ADAM20: variants seen among roughly 807,000 people sequenced by gnomAD.
The protein encoded by ADAM20 is ADAM metallopeptidase domain 20, also known as disintegrin and metalloproteinase domain-containing protein 20.
For synonymous variants in ADAM20, 305 were observed against 310.2 expected, an observed-to-expected ratio of 0.98 and a Z score of 0.18; for missense variants, 871 against 883.2, an observed-to-expected ratio of 0.99 and a Z score of 0.18.
chr14:70,569,711 C>T, the ADAM20 span, among the ~76,000 whole-genome samples: 21 of 151,842 alleles, frequency 1.4e-4, no homozygotes, highest in Admixed American at 6.6e-4. Flanking sequence ...ATAAAACATT[C>T]AATTCAATCA....
upstream of ADAM20, among the ~76,000 whole-genome samples, chr14:70,536,459 C>G (rs12884439): frequency 1.1e-3 from 48 of 43,262 alleles, no homozygotes; most frequent in South Asian, 0.042. Context: ...GAGCAAAACT[C>G]TGTCTCAAAA....
chr14:70,573,517 A>C, the ADAM20 span, among the ~76,000 whole-genome samples: 1 of 152,312 alleles, frequency 6.6e-6, no homozygotes, highest in Admixed American at 6.5e-5. Context: ...TTAGAAGCCC[A>C]AACCCTAGGA....
At chr14:70,572,728 T>C in the ADAM20 span, among the ~76,000 whole-genome samples, 1 of 151,758 alleles carries the variant, frequency 6.6e-6, no homozygotes, top group African/African-American at 2.4e-5. Flanking sequence ...CTATGATCTA[T>C]AAGGAACATA....
intron 1 of ADAM20, among the ~76,000 whole-genome samples, chr14:70,532,521 A>C (rs77359887): frequency 0.084 from 12,832 of 152,238 alleles, 1,095 homozygotes; most frequent in East Asian, 0.49. Context: ...AACAGATTGG[A>C]AACAGATGGG....
chr14:70,524,088 G>C lies in ADAM20; in HGVS notation c.670C>G (p.Gln224Glu), dbSNP rs764714944. 1 of 1,613,876 alleles carries C rather than the reference G, an allele frequency of 6.2e-7. No homozygotes were observed. The highest frequency in any genetic ancestry group is 1.7e-5 in the Admixed American group (1 of 59,958). The part of the protein sequence containing the change: ...VVDNIRYLFS[Q>E]SNATTVQHEV... Reference sequence around the variant, plus strand: ...TGCTGCACTGTTGTTGCATTACTTTGAGAGAAAAGATATCTAATATTATCC... The same window carrying C: ...TGCTGCACTGTTGTTGCATTACTTTCAGAGAAAAGATATCTAATATTATCC... Residue 224 changes from glutamine (Q) to glutamate (E), a missense_variant, in exon 2 of 2, where the codon CAA becomes GAA. Physicochemically the swap from Gln to Glu is conservative, Grantham distance 29. Transcript: ENST00000256389.
At chr14:70,554,854 G>A in the ADAM20 span, among the ~76,000 whole-genome samples, 163 of 152,304 alleles carry the variant, frequency 1.1e-3, no homozygotes, top group African/African-American at 3.7e-3. Context: ...CGTACAAACA[G>A]AGCAAGGAAG....
At chr14:70,545,764 A>T in the ADAM20 span, among the ~76,000 whole-genome samples, 2 of 152,348 alleles carry the variant, frequency 1.3e-5, no homozygotes, top group Admixed American at 1.3e-4. Context: ...ATACAGTAAT[A>T]GCTGGAGACC....
chr14:70,560,771 C>T, the ADAM20 span, among the ~76,000 whole-genome samples: 1 of 152,202 alleles, frequency 6.6e-6, no homozygotes, highest in Non-Finnish European at 1.5e-5. Flanking sequence ...TCCCCTTCAC[C>T]TTCCACCATG....
At chr14:70,532,732 A>G (rs895959999) in intron 1 of ADAM20, among the ~76,000 whole-genome samples, 4 of 152,210 alleles carry the variant, frequency 2.6e-5, no homozygotes, top group Non-Finnish European at 4.4e-5. Context: ...AGTGGCCTAC[A>G]TGACAGGAGA....
At chr14:70,541,083 G>T in the ADAM20 span, among the ~76,000 whole-genome samples, 1,419 of 152,128 alleles carry the variant, frequency 9.3e-3, 11 homozygotes, top group African/African-American at 0.032. Context: ...GCGCCACCAC[G>T]CCCAGGCAAA....
Position 70,523,405 on chromosome 14 carries a change from T to C in ADAM20, c.1353A>G (p.Ile451Met), listed in dbSNP as rs747151954. 3 of 1,614,034 alleles carry C rather than the reference T, an allele frequency of 1.9e-6. No individual in the cohort carries two copies. The highest frequency in any genetic ancestry group is 2.2e-5 in the East Asian group (1 of 44,882). The stretch of plus-strand genomic sequence containing the variant: ...GCAGAAATTTGCAGTCTTTGCAACA[T>C]ATTCCAAAAGCACAAGCAGCCCCAG... ...LHPGAACAFGICCKDCKFLPS... is the reference protein window; with the variant it reads ...LHPGAACAFGMCCKDCKFLPS... Residue 451 changes from isoleucine (I) to methionine (M), a missense_variant, in exon 2 of 2, where the codon ATA becomes ATG. Coordinates refer to ENST00000256389, the MANE Select transcript of ADAM20 (RefSeq NM_003814.5).
chr14:70,563,655 TGTAATA>T, the ADAM20 span, among the ~76,000 whole-genome samples: 2 of 152,114 alleles, frequency 1.3e-5, no homozygotes, highest in South Asian at 2.1e-4. Context: ...GTGGTATCCT[TGTAATA>T]GTGAGTGTAT....
At chr14:70,553,745 T>C in the ADAM20 span, among the ~76,000 whole-genome samples, 1 of 130,516 alleles carries the variant, frequency 7.7e-6, no homozygotes, top group Admixed American at 7.1e-5. Context: ...CAACATCCCT[T>C]CATGATAAAA....
chr14:70,578,815 A>C, the ADAM20 span, among the ~76,000 whole-genome samples: 1 of 152,044 alleles, frequency 6.6e-6, no homozygotes, highest in Admixed American at 6.6e-5. Context: ...ATAGTACTTG[A>C]TAAGTTTTTC....
At chr14:70,538,288 A>G (rs1883877258), upstream of ADAM20, among the ~76,000 whole-genome samples, 1 of 152,152 alleles carries the variant, frequency 6.6e-6, no homozygotes, top group Non-Finnish European at 1.5e-5. Context: ...GCCTTTTTCC[A>G]TGTCTGATTT....
chr14:70,573,742 A>G, the ADAM20 span, among the ~76,000 whole-genome samples: 12 of 152,242 alleles, frequency 7.9e-5, no homozygotes, highest in Admixed American at 7.2e-4. Context: ...GGCTATTCTT[A>G]TATCAGACAA....
At chr14:70,575,178 T>A in the ADAM20 span, among the ~76,000 whole-genome samples, 2 of 149,812 alleles carry the variant, frequency 1.3e-5, no homozygotes, top group African/African-American at 4.9e-5. Context: ...TATGTATGTA[T>A]ATATATATAA....
At chr14:70,556,904 A>C in the ADAM20 span, 3 of 152,190 alleles carry the variant, frequency 2.0e-5, no homozygotes, top group African/African-American at 4.8e-5. Context: ...ATCAGATAGG[A>C]CACTTTGTGG....
intron 1 of ADAM20, among the ~76,000 whole-genome samples, chr14:70,532,786 T>C (rs1883741578): frequency 6.6e-6 from 1 of 152,294 alleles, no homozygotes; most frequent in South Asian, 2.1e-4. Context: ...AGGGTTACTA[T>C]CCAAAATATA....
Sources: allele counts gnomAD v4.1 joint callset (sites outside exome capture counted in the v4.1 genomes callset), GRCh38; gene constraint gnomAD v4.1.1; transcripts MANE v1.5; gene names NCBI Gene and HGNC (gene_info 2026-07-23, HGNC 2026-07-21).